The following PUM3 variants were observed in gnomAD, a reference collection of about 807,000 sequenced individuals.
PUM3 encodes the protein pumilio RNA binding family member 3.
PUM3 carries 91 observed loss-of-function variants against 84.0 expected under a neutral mutation model. The ratio of observed to expected loss-of-function variants is 1.08; its 90% CI spans 0.91 to 1.29. The LOEUF (loss-of-function observed/expected upper bound fraction) is 1.29. PUM3 is among the 50% of genes most tolerant of loss of function. The pLI, the probability that PUM3 is intolerant of heterozygous loss-of-function variation, is 0.00. For missense variants in PUM3, 1,067 were observed against 767.5 expected (o/e 1.39, Z -4.61); for synonymous variants, 321 against 266.7 (o/e 1.20, Z -1.98).
At chr9:2,806,278 C>T (rs1007103374) in intron 17 of PUM3, among the ~76,000 whole-genome samples, 5 of 152,174 alleles carry the variant, frequency 3.3e-5, no homozygotes, top group African/African-American at 4.8e-5. Flanking sequence ...TATCAGCTAA[C>T]GAATTCTGAC....
At chr9:2,810,480 C>T (rs368947969) in intron 15 of PUM3, 49 bp from the exon 16 acceptor site, 9 of 1,301,192 alleles carry the variant, frequency 6.9e-6, no homozygotes, top group Admixed American at 2.0e-5. Flanking sequence ...TTCATTCATA[C>T]AAATACATTT....
At chr9:2,818,088 T>A (rs551710118) in intron 13 of PUM3, among the ~76,000 whole-genome samples, 3 of 152,334 alleles carry the variant, frequency 2.0e-5, no homozygotes, top group East Asian at 3.9e-4. Flanking sequence ...CTGAACAGAG[T>A]GCTTAGCAAC....
chr9:2,810,104 TG>T (rs1222182572), intron 16 of PUM3, among the ~76,000 whole-genome samples: 6 of 6,760 alleles, frequency 8.9e-4, no homozygotes, highest in South Asian at 4.0e-3. Flanking sequence ...GAGGGGGCGG[TG>T]GGGGGGGCTG....
At position 2,810,364 on chromosome 9, in the gene PUM3, A is replaced by C. The variant is rs2129790960; in HGVS notation, c.1703T>G (p.Met568Arg). 1 of 1,609,072 alleles carries C rather than the reference A, an allele frequency of 6.2e-7. No homozygotes were observed. The highest frequency in any genetic ancestry group is 2.2e-5 in the East Asian group (1 of 44,836). The change falls in exon 16 of 18, where the codon ATG (methionine) becomes AGG (arginine). Residue 568 changes from methionine to arginine, a missense_variant. By Grantham distance (91) the Met-to-Arg change is moderately conservative. Transcript: ENST00000397885. ...CCTACCTTCTCTCCCATTTTCTTTCATCTTTTTATCTTGCTCTATTAACCA... is the reference window on the plus strand; with the variant it reads ...CCTACCTTCTCTCCCATTTTCTTTCCTCTTTTTATCTTGCTCTATTAACCA... Reference protein sequence around the residue: ...LKWLIEQDKKMKENGREGCFA... With the variant: ...LKWLIEQDKKRKENGREGCFA...
chr9:2,834,586 A>G (rs949246570), intron 3 of PUM3, among the ~76,000 whole-genome samples: 2 of 152,212 alleles, frequency 1.3e-5, no homozygotes, highest in African/African-American at 4.8e-5. Flanking sequence ...CACTGTTCTG[A>G]GTGCTGTTGT....
At chr9:2,838,820 T>C (rs1208059992) in intron 1 of PUM3, among the ~76,000 whole-genome samples, 1 of 152,194 alleles carries the variant, frequency 6.6e-6, no homozygotes, top group African/African-American at 2.4e-5. Context: ...TAGACCACTA[T>C]TGACACTAAG....
rs147348344 is a variant in PUM3, at chr9:2,828,715, T to A, written c.916A>T (p.Met306Leu). The change falls in exon 9 of 18, where the codon ATG becomes TTG. Residue 306 changes from methionine to leucine, a missense_variant. By Grantham distance (15) the Met-to-Leu change is conservative. Transcript: ENST00000397885. ...EVQPEKLELI[M>L]DEMKQILTPM... ...GTTAGAATCTGTTTCATTTCATCCATAATAAGTTCTAATTTTTCTGGCTGT... is the reference window on the plus strand; with the variant it reads ...GTTAGAATCTGTTTCATTTCATCCAAAATAAGTTCTAATTTTTCTGGCTGT... The A allele has an allele frequency of 6.2e-7, 1 of 1,608,548 alleles. No individual in the cohort carries two copies. The highest frequency in any genetic ancestry group is 8.5e-7 in the Non-Finnish European group (1 of 1,175,162).
rs1816187269 is a variant in PUM3 at position 2,838,467 on chromosome 9, G to C, written c.41C>G (p.Thr14Arg). 1 of 1,613,222 alleles carries C rather than the reference G, an allele frequency of 6.2e-7. No individual in the cohort carries two copies. Among genetic ancestry groups the C allele is most frequent in the Admixed American group, 1.7e-5 (1 of 59,972 alleles). The part of the protein sequence containing the change: ...KGKKQFTGKS[T>R]KTAQEKNRFH... ...TCTGTTTTTTTCTTGTGCTGTCTTTGTACTCTTTCCTGTGAATTGCTTTTT... is the reference window on the plus strand; with the variant it reads ...TCTGTTTTTTTCTTGTGCTGTCTTTCTACTCTTTCCTGTGAATTGCTTTTT... The change falls in exon 2 of 18, where the codon ACA becomes AGA. Residue 14 changes from threonine (T) to arginine (R), a missense_variant. Transcript: ENST00000397885.
At chr9:2,828,576 G>T in intron 9 of PUM3, 99 bp downstream of exon 9, 1 of 717,670 alleles carries the variant, frequency 1.4e-6, no homozygotes, top group Non-Finnish European at 2.4e-6. Flanking sequence ...ATTAATACTT[G>T]TAAGCAGGAA....
Position 2,834,181 on chromosome 9 carries a change from A to G in PUM3, c.305-15T>C. 1 of 1,600,112 alleles carries G rather than the reference A, an allele frequency of 6.2e-7. No homozygotes were observed. The highest frequency in any genetic ancestry group is 8.5e-7 in the Non-Finnish European group (1 of 1,172,762). On this transcript the variant is annotated splice_polypyrimidine_tract_variant and intron_variant, in intron 3 of 17. Transcript: ENST00000397885. ...GGCTGCTGATTCTAGTTATTATAGA[A>G]ATTATTTTCAATTACATTTAACATT...
At chr9:2,826,703 C>A (rs1482793730) in intron 10 of PUM3, among the ~76,000 whole-genome samples, 1 of 152,148 alleles carries the variant, frequency 6.6e-6, no homozygotes, top group African/African-American at 2.4e-5. Context: ...CCTCCTCTAA[C>A]CTTTTAATGC....
intron 11 of PUM3, among the ~76,000 whole-genome samples, chr9:2,824,305 A>T (rs1054422342): frequency 6.6e-6 from 1 of 152,208 alleles, no homozygotes; most frequent in Non-Finnish European, 1.5e-5. Flanking sequence ...ATTAATAAGG[A>T]TCTTTACCTT....
At chr9:2,837,135 CA>C in intron 3 of PUM3, 44 bp downstream of exon 3, 1 of 1,523,478 alleles carries the variant, frequency 6.6e-7, no homozygotes, top group Non-Finnish European at 9.1e-7. Flanking sequence ...TCCCTGTGCA[CA>C]ATCGTTCAGG....
chr9:2,843,580 T>C (rs916555389), intron 1 of PUM3, among the ~76,000 whole-genome samples: 53 of 141,960 alleles, frequency 3.7e-4, no homozygotes, highest in Admixed American at 3.1e-3. Flanking sequence ...CTTCTTTTTT[T>C]TTTTTTTTTT....
intron 7 of PUM3, 78 bp downstream of exon 7, chr9:2,830,884 T>C (rs1445118921): frequency 8.2e-6 from 6 of 733,156 alleles, no homozygotes; most frequent in Non-Finnish European, 1.4e-5. Flanking sequence ...AGACTTCCTA[T>C]CTCGCATCTG....
chr9:2,833,316 T>G (rs1460952133), intron 5 of PUM3, 41 bp downstream of exon 5: 2 of 1,096,232 alleles, frequency 1.8e-6, no homozygotes, highest in Non-Finnish European at 2.7e-6. Context: ...TGAGGCAACT[T>G]CAACTGTTAA....
intron 3 of PUM3, 25 bp downstream of exon 3, chr9:2,837,155 C>G: frequency 6.3e-7 from 1 of 1,586,262 alleles, no homozygotes; most frequent in Non-Finnish European, 8.7e-7. Context: ...GGCACTAGTT[C>G]AGGCATGAAC....
chr9:2,819,603 A>G (rs1672111238), intron 13 of PUM3, among the ~76,000 whole-genome samples: 1 of 152,170 alleles, frequency 6.6e-6, no homozygotes, highest in Admixed American at 6.5e-5. Flanking sequence ...CCACAGGGAG[A>G]GAGATAATTT....
At chr9:2,816,835 A>C (rs1310905230) in intron 13 of PUM3, among the ~76,000 whole-genome samples, 1 of 152,228 alleles carries the variant, frequency 6.6e-6, no homozygotes, top group African/African-American at 2.4e-5. Context: ...CTATCTGCTG[A>C]TTACACTAGA....
Sources: allele counts gnomAD v4.1 joint callset (sites outside exome capture counted in the v4.1 genomes callset), GRCh38; gene constraint gnomAD v4.1.1; transcripts MANE v1.5; gene names NCBI Gene and HGNC (gene_info 2026-07-23, HGNC 2026-07-21).